The following KDM6A variants were observed in gnomAD, a reference collection of about 807,000 sequenced individuals.
KDM6A encodes the protein lysine demethylase 6A.
KDM6A carries 11 observed loss-of-function variants against 117.6 expected under a neutral mutation model. That is an observed-to-expected ratio of 0.09 (90% CI 0.06 to 0.15). KDM6A has a LOEUF of 0.15. KDM6A is among the 10% of genes least tolerant of loss of function. KDM6A has a pLI of 1.00. For missense variants in KDM6A, 799 were observed against 1,077.3 expected (o/e 0.74, Z 3.62); for synonymous variants, 384 against 396.1 (o/e 0.97, Z 0.36).
intron 2 of KDM6A, among the ~76,000 whole-genome samples, chrX:44,951,227 G>A (rs1317975361): frequency 9.0e-6 from 1 of 111,464 alleles, no homozygotes; most frequent in Non-Finnish European, 1.9e-5. Context: ...TCCTTTGTTC[G>A]AGTGTTCAAT....
At chrX:44,980,628 A>G (rs1327413777) in intron 4 of KDM6A, among the ~76,000 whole-genome samples, 1 of 102,992 alleles carries the variant, frequency 9.7e-6, no homozygotes, top group East Asian at 3.0e-4. Flanking sequence ...TTGCTATTAT[A>G]TAGGAACATT....
rs1178644710 is a variant in KDM6A, at chrX:44,873,505, T to C, written c.-47T>C. ...TTGGGGGCGTCACTGCGGGCCCCGGTCCGAGGGGGGGTGTCGGCGTTGGAG... is the reference window on the plus strand; with the variant it reads ...TTGGGGGCGTCACTGCGGGCCCCGGCCCGAGGGGGGGTGTCGGCGTTGGAG... On this transcript the variant is annotated 5_prime_UTR_variant, in exon 1 of 30. Coordinates refer to ENST00000611820, the MANE Select transcript of KDM6A (RefSeq NM_001291415.2). The C allele has an allele frequency of 8.3e-7, 1 of 1,203,059 alleles. No homozygotes were observed.
At chrX:44,962,430 C>T (rs545410061) in intron 3 of KDM6A, among the ~76,000 whole-genome samples, 2 of 111,634 alleles carry the variant, frequency 1.8e-5, no homozygotes, top group Admixed American at 9.6e-5. Context: ...TGAGGGATGA[C>T]GCCTCATGGA....
At chrX:44,896,076 T>A (rs763766137) in intron 2 of KDM6A, among the ~76,000 whole-genome samples, 2 of 94,677 alleles carry the variant, frequency 2.1e-5, no homozygotes, top group Non-Finnish European at 4.2e-5. Flanking sequence ...TAAAAATAAA[T>A]TTTTTTTTTT....
chrX:45,097,011 T>A (rs1278493604), intron 27 of KDM6A, among the ~76,000 whole-genome samples: 1 of 111,998 alleles, frequency 8.9e-6, no homozygotes, highest in Non-Finnish European at 1.9e-5. Flanking sequence ...ATATACACCA[T>A]GGATTACTAT....
intron 4 of KDM6A, among the ~76,000 whole-genome samples, chrX:44,999,912 C>T (rs2041055267): frequency 9.0e-6 from 1 of 111,567 alleles, no homozygotes; most frequent in South Asian, 3.8e-4. Flanking sequence ...GGCTATTATT[C>T]CTTTCCATTT....
intron 24 of KDM6A, among the ~76,000 whole-genome samples, chrX:45,085,081 A>G (rs1426992721): frequency 8.9e-6 from 1 of 111,803 alleles, no homozygotes; most frequent in Non-Finnish European, 1.9e-5. Flanking sequence ...ATAGTCAGGT[A>G]AAGTGCAAAG....
chrX:44,950,900 C>T (rs1234302804), intron 2 of KDM6A, among the ~76,000 whole-genome samples: 3 of 108,770 alleles, frequency 2.8e-5, no homozygotes, highest in Non-Finnish European at 3.8e-5. Context: ...GCAACAGTAT[C>T]AGGCGTTATC....
At position 45,042,772 on chromosome X, in the gene KDM6A, T is replaced by C. The variant is rs766653081; in HGVS notation, c.654+5083T>C. On this transcript the variant is annotated intron_variant, in intron 8 of 29. Coordinates refer to ENST00000611820, the MANE Select transcript of KDM6A (RefSeq NM_001291415.2). ...CCCCACTTCTCTACATAGGAAGAAGTTTCCCCACTTCTCTACATGGGAAGA... is the reference window on the plus strand; with the variant it reads ...CCCCACTTCTCTACATAGGAAGAAGCTTCCCCACTTCTCTACATGGGAAGA... 6.4e-5 allele frequency among the ~76,000 whole-genome samples: 7 copies of C among 109,428 alleles called. No individual in the cohort carries two copies. The Admixed American group carries it at 6.7e-4, about 10-fold the overall frequency.
At chrX:45,060,814 C>T in intron 14 of KDM6A, 50 bp downstream of exon 14, 1 of 843,265 alleles carries the variant, frequency 1.2e-6, no homozygotes, top group East Asian at 4.9e-5. Context: ...GAAGTTTCAG[C>T]TGCCCTGAAA....
chrX:44,979,788 C>T (rs1268605536), intron 4 of KDM6A, among the ~76,000 whole-genome samples: 2 of 109,306 alleles, frequency 1.8e-5, no homozygotes, highest in Non-Finnish European at 1.9e-5. Context: ...GTTTTTCCAG[C>T]ATTATTTGTT....
At position 44,986,883 on chromosome X, in the gene KDM6A, T is replaced by C. The variant is rs891863608; in HGVS notation, c.384+12168T>C. Among the ~76,000 whole-genome samples the C allele has an allele frequency of 4.5e-5, 5 of 111,986 alleles. No individual in the cohort carries two copies. The Admixed American group carries it at 4.7e-4, about 11-fold the overall frequency. On this transcript the variant is annotated intron_variant, in intron 4 of 29. Coordinates refer to ENST00000611820, the MANE Select transcript of KDM6A (RefSeq NM_001291415.2). ...GGTGTGGTGCTGAGAAGAATGTATA[T>C]TCTGTTGATTTGGGGTGGAGAGTCC...
At position 45,091,651 on chromosome X, in the gene KDM6A, T is replaced by C. The variant is rs751772015; in HGVS notation, c.4034+787T>C. On this transcript the variant is annotated intron_variant, in intron 27 of 29. Transcript: ENST00000611820. ...ATTTGTGAATGAGGGAGAAGAGTTA[T>C]AGTGTATGGTATTTCCCAAACTTAT... is the stretch of plus-strand genomic sequence containing the variant. 9.8e-5 allele frequency among the ~76,000 whole-genome samples: 11 copies of C among 112,143 alleles called. No homozygotes were observed. In the East Asian group the frequency reaches 2.8e-3, roughly 28 times the overall value.
intron 4 of KDM6A, among the ~76,000 whole-genome samples, chrX:45,001,824 G>A (rs918000135): frequency 1.8e-5 from 2 of 110,911 alleles, no homozygotes; most frequent in Admixed American, 9.6e-5. Flanking sequence ...TCCCCCTTCC[G>A]CTGTAGGAAC....
At chrX:45,097,091 A>C (rs1051110787) in intron 27 of KDM6A, among the ~76,000 whole-genome samples, 2 of 111,499 alleles carry the variant, frequency 1.8e-5, no homozygotes, top group Admixed American at 1.9e-4. Context: ...CCATATCCTC[A>C]GCAAATGAAT....
At chrX:45,013,065 C>G (rs148999829) in intron 5 of KDM6A, among the ~76,000 whole-genome samples, 2 of 111,697 alleles carry the variant, frequency 1.8e-5, no homozygotes, top group African/African-American at 6.5e-5. Context: ...TTCTAAACTT[C>G]TAGAATTAGA....
chrX:44,876,569 A>G (rs2031565091), intron 2 of KDM6A, among the ~76,000 whole-genome samples: 1 of 109,604 alleles, frequency 9.1e-6, no homozygotes, highest in African/African-American at 3.3e-5. Context: ...ATGGAATTGA[A>G]TAACTCCCAG....
chrX:44,984,237 C>T (rs1219479977), intron 4 of KDM6A, among the ~76,000 whole-genome samples: 1 of 111,005 alleles, frequency 9.0e-6, no homozygotes, highest in Non-Finnish European at 1.9e-5. Flanking sequence ...TCATATCCTT[C>T]ACCCACTTGT....
intron 2 of KDM6A, among the ~76,000 whole-genome samples, chrX:44,900,541 A>G (rs1382071931): frequency 8.9e-6 from 1 of 111,864 alleles, no homozygotes; most frequent in Non-Finnish European, 1.9e-5. Context: ...CCTGGAGAAA[A>G]GATTGTTAGG....
Sources: allele counts gnomAD v4.1 joint callset (sites outside exome capture counted in the v4.1 genomes callset), GRCh38; gene constraint gnomAD v4.1.1; transcripts MANE v1.5; gene names NCBI Gene and HGNC (gene_info 2026-07-23, HGNC 2026-07-21).